Variants in DCT observed in about 807,000 individuals in gnomAD.
DCT encodes L-dopachrome tautomerase.
In DCT, 47 loss-of-function variants were observed where a neutral mutation model predicts 53.0. The observed-to-expected ratio is 0.89, with a 90% CI of 0.70 to 1.13. The LOEUF (loss-of-function observed/expected upper bound fraction) is 1.13, where lower values mean the gene tolerates loss of function less well. Among genes scored for constraint, DCT ranks in the 50% most tolerant of loss-of-function variants. The pLI is 0.00. For missense variants in DCT, 669 were observed against 637.4 expected, an observed-to-expected ratio of 1.05 and a Z score of -0.53; for synonymous variants, 244 against 237.0, an observed-to-expected ratio of 1.03 and a Z score of -0.27.
chr13:94,450,496 T>C (rs17196247), intron 6 of DCT, among the ~76,000 whole-genome samples: 5,407 of 152,198 alleles, frequency 0.036, 118 homozygotes, highest in Non-Finnish European at 0.053. Flanking sequence ...TTCTCCCACA[T>C]AGACTTGTAT....
chr13:94,472,601 C>G (rs542670609), intron 1 of DCT, among the ~76,000 whole-genome samples: 3 of 59,858 alleles, frequency 5.0e-5, no homozygotes, highest in South Asian at 1.2e-3. Flanking sequence ...TTTTTTTTGT[C>G]AAGACAGTCT....
At chr13:94,511,191 C>T in the DCT span, among the ~76,000 whole-genome samples, 3 of 152,210 alleles carry the variant, frequency 2.0e-5, no homozygotes, top group African/African-American at 2.4e-5. Context: ...TCTGTCTCTC[C>T]GCCATTCCCA....
At chr13:94,443,759 T>G (rs1407995) in intron 6 of DCT, 122 bp from the exon 7 acceptor site, 12 of 724,538 alleles carry the variant, frequency 1.7e-5, no homozygotes, top group Non-Finnish European at 2.8e-5. Context: ...TGTATACCCA[T>G]GTGTGGAATA....
intron 5 of DCT, among the ~76,000 whole-genome samples, chr13:94,460,440 A>G (rs1484563322): frequency 6.6e-6 from 1 of 152,166 alleles, no homozygotes; most frequent in East Asian, 1.9e-4. Context: ...TCTGAATTAT[A>G]TCTCTTTTGT....
At chr13:94,532,909 A>G in the DCT span, among the ~76,000 whole-genome samples, 1 of 152,238 alleles carries the variant, frequency 6.6e-6, no homozygotes, top group African/African-American at 2.4e-5. Flanking sequence ...TTATAACACG[A>G]AAGAATCCTA....
intron 6 of DCT, among the ~76,000 whole-genome samples, chr13:94,458,463 C>A (rs1004636879): frequency 6.6e-6 from 1 of 152,192 alleles, no homozygotes; most frequent in African/African-American, 2.4e-5. Context: ...ACTCGTATTT[C>A]CCCATTTTGT....
At chr13:94,532,887 T>C in the DCT span, among the ~76,000 whole-genome samples, 4 of 152,200 alleles carry the variant, frequency 2.6e-5, no homozygotes, top group African/African-American at 4.8e-5. Flanking sequence ...CCCATTCCCT[T>C]TCCTCTCTCT....
At chr13:94,472,551 TATATATATATATATA>T (rs1884772281) in intron 1 of DCT, among the ~76,000 whole-genome samples, 4 of 31,524 alleles carry the variant, frequency 1.3e-4, no homozygotes, top group East Asian at 1.1e-3. Flanking sequence ...TATATATATA[TATATATATATATATA>T]TATTTTTTTT....
the DCT span, among the ~76,000 whole-genome samples, chr13:94,518,322 C>G: frequency 6.6e-6 from 1 of 152,116 alleles, no homozygotes; most frequent in South Asian, 2.1e-4. Flanking sequence ...CACTGCTTAC[C>G]CTCAGCCATG....
intron 1 of DCT, among the ~76,000 whole-genome samples, chr13:94,478,136 T>A (rs1244349152): frequency 6.6e-6 from 1 of 151,702 alleles, no homozygotes; most frequent in African/African-American, 2.4e-5. Context: ...GCCATTGTTA[T>A]CTAATAACAA....
the DCT span, among the ~76,000 whole-genome samples, chr13:94,502,319 C>T: frequency 1.3e-5 from 2 of 152,044 alleles, no homozygotes; most frequent in Non-Finnish European, 2.9e-5. Context: ...ATGAATTTTG[C>T]CCCTTTCTCT....
chr13:94,482,993 C>T (rs1885509275), upstream of DCT, among the ~76,000 whole-genome samples: 1 of 152,120 alleles, frequency 6.6e-6, no homozygotes, highest in Non-Finnish European at 1.5e-5. Context: ...AAGTTTTTGG[C>T]CTGGCACAGT....
chr13:94,512,721 TAC>T, the DCT span, among the ~76,000 whole-genome samples: 71,527 of 151,370 alleles, frequency 0.47, 18,702 homozygotes, highest in African/African-American at 0.7. Flanking sequence ...TATATATATA[TAC>T]ACACACACAC....
At chr13:94,472,550 ATATATATATATATATATATTTTTTTT>A (rs1884770421) in intron 1 of DCT, among the ~76,000 whole-genome samples, 1 of 25,234 alleles carries the variant, frequency 4.0e-5, no homozygotes, top group Admixed American at 5.4e-4. Flanking sequence ...ATATATATAT[ATATATATATATATATATATTTTTTTT>A]TTTTTTTTTT....
At position 94,453,145 on chromosome 13, in the gene DCT, T is replaced by C. The variant is rs1264450165; in HGVS notation, c.1179+6946A>G. 2.6e-5 allele frequency among the ~76,000 whole-genome samples: 4 copies of C among 152,214 alleles called. No individual in the cohort carries two copies. In the East Asian group the frequency reaches 7.7e-4, roughly 29 times the overall value. ...CCTCTGAATCCAATTATAAGTAATC[T>C]AGACATGATTTAGAGTATACAGAAG... On this transcript the variant is annotated intron_variant, in intron 6 of 7. Coordinates refer to ENST00000377028, the MANE Select transcript of DCT (RefSeq NM_001922.5).
chr13:94,457,429 G>A (rs61962248), intron 6 of DCT, among the ~76,000 whole-genome samples: 23,333 of 152,172 alleles, frequency 0.15, 2,026 homozygotes, highest in Non-Finnish European at 0.2. Flanking sequence ...TCTTCACCAG[G>A]AACCAAATCA....
At chr13:94,482,715 C>A (rs1885499821), upstream of DCT, among the ~76,000 whole-genome samples, 1 of 152,120 alleles carries the variant, frequency 6.6e-6, no homozygotes, top group Non-Finnish European at 1.5e-5. Context: ...ATCAAAAGGG[C>A]CTCATTATTA....
the DCT span, among the ~76,000 whole-genome samples, chr13:94,504,664 T>C: frequency 0.38 from 57,642 of 151,922 alleles, 11,405 homozygotes; most frequent in East Asian, 0.61. Flanking sequence ...CCACTGCACC[T>C]GGCCAGCATT....
Position 94,468,905 on chromosome 13 carries a change from C to T in DCT, c.436G>A (p.Asp146Asn). The T allele has an allele frequency of 6.2e-7, 1 of 1,614,120 alleles. No homozygotes were observed. The change falls in exon 2 of 8, where the codon GAT becomes AAT. Residue 146 changes from aspartate (D) to asparagine (N), a missense_variant. Physicochemically the swap from Asp to Asn is conservative, Grantham distance 23. Coordinates refer to ENST00000377028, the MANE Select transcript of DCT (RefSeq NM_001922.5). Reference protein sequence around the residue: ...QEREQFLGALDLAKKRVHPDY... With the variant: ...QEREQFLGALNLAKKRVHPDY... ...GGGTGTACTCTCTTCTTCGCGAGAT[C>T]TAAGGCGCCCAAGAACTGCTCTCTT...
Sources: gnomAD v4.1 joint callset for allele counts (sites outside exome capture counted in the v4.1 genomes callset) on GRCh38, gnomAD v4.1.1 for gene constraint, MANE v1.5 for transcripts, NCBI Gene and HGNC (gene_info 2026-07-23, HGNC 2026-07-21) for gene names.